The following DHTKD1 variants were observed in gnomAD, a reference collection of about 807,000 sequenced individuals.
DHTKD1 encodes 2-oxoadipate dehydrogenase complex component E1.
Under a neutral mutation model 101.8 loss-of-function variants are expected in DHTKD1, and 78 were observed. The ratio of observed to expected loss-of-function variants is 0.77; its 90% CI spans 0.64 to 0.93. The LOEUF (loss-of-function observed/expected upper bound fraction) is 0.93, where lower values mean the gene tolerates loss of function less well. DHTKD1 is among the 40% of genes least tolerant of loss of function. The pLI, the probability that DHTKD1 is intolerant of heterozygous loss-of-function variation, is 0.00. For missense variants in DHTKD1, 1,223 were observed against 1,161.7 expected (o/e 1.05, Z -0.77); for synonymous variants, 462 against 450.3 (o/e 1.03, Z -0.33).
At chr10:12,097,127 T>C (rs540472202) in intron 7 of DHTKD1, among the ~76,000 whole-genome samples, 28 of 152,234 alleles carry the variant, frequency 1.8e-4, no homozygotes, top group African/African-American at 6.5e-4. Flanking sequence ...GAGATGAACG[T>C]GACATAATAT....
rs374605218 is a variant in DHTKD1, at chr10:12,108,027, G to A, written c.2154+12G>A. On this transcript the variant is annotated intron_variant, in intron 12 of 16. Coordinates refer to ENST00000263035, the MANE Select transcript of DHTKD1 (RefSeq NM_018706.7). The stretch of plus-strand genomic sequence containing the variant: ...AGCGTTTCCTGCAGGTAAGGGTAAC[G>A]TCTTCCGGAGTCAATGAATCATTTT... 1.8e-5 allele frequency: 28 copies of A among 1,588,458 alleles called. No homozygotes were observed. Among genetic ancestry groups the A allele is most frequent in the Non-Finnish European group, 2.2e-5 (26 of 1,157,392 alleles).
intron 13 of DHTKD1, among the ~76,000 whole-genome samples, chr10:12,113,573 C>G (rs893730668): frequency 6.6e-6 from 1 of 152,148 alleles, no homozygotes; most frequent in East Asian, 1.9e-4. Context: ...TAATGAAGGA[C>G]AGGGATAGCA....
intron 9 of DHTKD1, 25 bp downstream of exon 9, chr10:12,100,287 G>GCTTTTTTTTTTTTTTTTTTTTTTTTTTTT (rs774056019): frequency 8.0e-6 from 2 of 248,606 alleles, no homozygotes; most frequent in African/African-American, 3.8e-5. Flanking sequence ...TTTTTTTTCT[G>GCTTTTTTTTTTTTTTTTTTTTTTTTTTTT]TTTTTTTTTT....
Position 12,122,271 on chromosome 10 carries a change from C to T in DHTKD1, c.*1383C>T, listed in dbSNP as rs992173155. 1 of 152,204 alleles carries T rather than the reference C, an allele frequency of 6.6e-6. No homozygotes were observed. The highest frequency in any genetic ancestry group is 2.4e-5 in the African/African-American group (1 of 41,456). The allele number at this position is 152,204 out of a possible 1,614,324, so 9.4% of individuals were successfully genotyped here. On this transcript the variant is annotated 3_prime_UTR_variant, in exon 17 of 17. Transcript: ENST00000263035. ...ATGGGGATTTCAGCCCCTGGTTAAT[C>T]AGTCTTGTCCCTACAAGTCCCTGAT...
At chr10:12,119,587 G>C (rs928697270) in intron 15 of DHTKD1, among the ~76,000 whole-genome samples, 2 of 141,328 alleles carry the variant, frequency 1.4e-5, no homozygotes, top group African/African-American at 5.5e-5. Context: ...CTGCACTCCA[G>C]CCTGGGCGAC....
chr10:12,110,620 C>T lies in DHTKD1; in HGVS notation c.2155-2280C>T, dbSNP rs1833315583. Among the ~76,000 whole-genome samples, 1 of 152,170 alleles carries T rather than the reference C, an allele frequency of 6.6e-6. No individual in the cohort carries two copies. Among genetic ancestry groups the T allele is most frequent in the Non-Finnish European group, 1.5e-5 (1 of 68,024 alleles). On this transcript the variant is annotated intron_variant, in intron 12 of 16. Coordinates refer to ENST00000263035, the MANE Select transcript of DHTKD1 (RefSeq NM_018706.7). This position sits in a 1 kb window ranked among gnomAD's most constrained non-coding sequence, Gnocchi z 4.9. Reference sequence around the variant, plus strand: ...GAATCAAGCTAATTACCAGACCCGTCACCTCACATACTCACCATTTTTGGG... The same window carrying T: ...GAATCAAGCTAATTACCAGACCCGTTACCTCACATACTCACCATTTTTGGG...
chr10:12,092,190 G>GT (rs1554792143), intron 6 of DHTKD1, among the ~76,000 whole-genome samples: 1 of 151,790 alleles, frequency 6.6e-6, no homozygotes, highest in Non-Finnish European at 1.5e-5. Context: ...CACCATGTTG[G>GT]CAGGCTGGTC....
At chr10:12,119,101 T>C (rs977717206) in intron 15 of DHTKD1, among the ~76,000 whole-genome samples, 183 bp downstream of exon 15, 10 of 151,416 alleles carry the variant, frequency 6.6e-5, no homozygotes, top group African/African-American at 2.4e-4. Context: ...GGTCAGGAGA[T>C]TGAGACCATC....
At chr10:12,081,206 A>G (rs2895503) in intron 1 of DHTKD1, among the ~76,000 whole-genome samples, 19,460 of 143,338 alleles carry the variant, frequency 0.14, 1,324 homozygotes, top group East Asian at 0.22. Flanking sequence ...CCTGGGAGGC[A>G]GAGCTTGCAG....
At chr10:12,111,200 C>A (rs1833324741) in intron 12 of DHTKD1, among the ~76,000 whole-genome samples, 1 of 152,098 alleles carries the variant, frequency 6.6e-6, no homozygotes, top group African/African-American at 2.4e-5. Context: ...GCGTCTTGCT[C>A]TGTCACCCAG....
chr10:12,118,760 TC>T lies in DHTKD1; in HGVS notation c.2415del (p.Val806CysfsTer12), dbSNP rs1278798347. The part of the protein sequence containing the change: ...SSVDPKKVKT[L>X]VFCSGKHFYS... ...TTTCTGTCCAACAGGGTTAAGACCC[TC>T]GTGTTCTGCTCCGGCAAACATTTCT... On this transcript the variant is annotated frameshift_variant, in exon 15 of 17. Coordinates refer to ENST00000263035, the MANE Select transcript of DHTKD1 (RefSeq NM_018706.7). LOFTEE classifies it high-confidence loss of function. 4 of 1,579,630 alleles carry T rather than the reference TC, an allele frequency of 2.5e-6. No individual in the cohort carries two copies. Among genetic ancestry groups the T allele is most frequent in the Non-Finnish European group, 3.4e-6 (4 of 1,165,118 alleles).
rs924589622 is a variant in DHTKD1 at position 12,120,243 on chromosome 10, G to A, written c.2634G>A (p.Arg878=). 6.2e-6 allele frequency: 10 copies of A among 1,613,900 alleles called. No individual in the cohort carries two copies. Among genetic ancestry groups the A allele is most frequent in the Non-Finnish European group, 8.5e-6 (10 of 1,179,884 alleles). ...NMGPWSFVSP[R]FEKQLACKLR... is the part of the protein sequence containing the mutation. Reference sequence around the variant, plus strand: ...GTCCGTGGTCGTTTGTTTCTCCAAGGTTTGAAAAGCAGCTGGCCTGCAAGG... The same window carrying A: ...GTCCGTGGTCGTTTGTTTCTCCAAGATTTGAAAAGCAGCTGGCCTGCAAGG... Residue 878 remains arginine, a synonymous_variant, in exon 16 of 17, where the codon AGG becomes AGA. Coordinates refer to ENST00000263035, the MANE Select transcript of DHTKD1 (RefSeq NM_018706.7).
rs757827550 is a variant in DHTKD1, at chr10:12,120,791, G to A, written c.2663G>A (p.Arg888His). The stretch of plus-strand genomic sequence containing the variant: ...TCTTCTCTGCTGCACTTATAGCTCC[G>A]TCTGGTGGGCCGGCCCCCTTTGCCA... The part of the protein sequence containing the change: ...RFEKQLACKL[R>H]LVGRPPLPVP... The change falls in exon 17 of 17, where the codon CGT (arginine) becomes CAT (histidine). Residue 888 changes from arginine (R) to histidine (H), a missense_variant. Physicochemically the swap from Arg to His is conservative, Grantham distance 29. Transcript: ENST00000263035. The A allele has an allele frequency of 1.5e-5, 25 of 1,613,944 alleles. No individual in the cohort carries two copies. The highest frequency in any genetic ancestry group is 2.2e-5 in the East Asian group (1 of 44,866).
chr10:12,105,599 G>A (rs1041233327), intron 10 of DHTKD1, among the ~76,000 whole-genome samples: 2 of 152,000 alleles, frequency 1.3e-5, no homozygotes, highest in Non-Finnish European at 2.9e-5. Flanking sequence ...AGGCCACCAC[G>A]CCCGGCCACA....
chr10:12,089,303 A>G, intron 5 of DHTKD1, 48 bp downstream of exon 5: 3 of 1,576,548 alleles, frequency 1.9e-6, no homozygotes, highest in East Asian at 2.2e-5. Flanking sequence ...AAAACTGGGA[A>G]GAATGTGTGG....
intron 6 of DHTKD1, among the ~76,000 whole-genome samples, chr10:12,092,988 C>T (rs925263901): frequency 6.6e-6 from 1 of 151,780 alleles, no homozygotes; most frequent in Non-Finnish European, 1.5e-5. Flanking sequence ...AGAGATCCTC[C>T]CTCCTCAGCC....
chr10:12,107,081 T>C lies in DHTKD1; in HGVS notation c.2047+685T>C, dbSNP rs957887640. Among the ~76,000 whole-genome samples the C allele has an allele frequency of 6.6e-6, 1 of 151,582 alleles. No individual in the cohort carries two copies. Among genetic ancestry groups the C allele is most frequent in the Admixed American group, 6.6e-5 (1 of 15,168 alleles). On this transcript the variant is annotated intron_variant, in intron 11 of 16. Transcript: ENST00000263035. This position sits in a 1 kb window ranked among gnomAD's most constrained non-coding sequence, Gnocchi z 4.1. ...CTCACTGCAAGCTCCGCCTACTGGG[T>C]TTGCACGATTCTCCTGCCTCAGCCT...
chr10:12,075,329 TCGCCATG>T (rs1832709209), intron 1 of DHTKD1, among the ~76,000 whole-genome samples: 1 of 152,106 alleles, frequency 6.6e-6, no homozygotes, highest in Non-Finnish European at 1.5e-5. Context: ...CAGGTGCTTC[TCGCCATG>T]CCCGGCTAAT....
chr10:12,093,480 G>C (rs1833022887), intron 6 of DHTKD1, among the ~76,000 whole-genome samples: 1 of 152,144 alleles, frequency 6.6e-6, no homozygotes, highest in African/African-American at 2.4e-5. Flanking sequence ...ACTGTGCCAG[G>C]CTGAAATTGG....
Sources: allele counts gnomAD v4.1 joint callset (sites outside exome capture counted in the v4.1 genomes callset), GRCh38; gene constraint gnomAD v4.1.1; non-coding constraint Gnocchi (gnomAD v3.1); transcripts MANE v1.5; gene names NCBI Gene and HGNC (gene_info 2026-07-23, HGNC 2026-07-21).